Variants in FAT3 observed in about 807,000 individuals in gnomAD.
FAT3 encodes the protein protocadherin Fat 3.
In FAT3, 95 loss-of-function variants were observed where a neutral mutation model predicts 310.2. The ratio of observed to expected loss-of-function variants is 0.31; its 90% confidence interval spans 0.26 to 0.36. FAT3 has a LOEUF of 0.36. FAT3 is among the 10% of genes least tolerant of loss of function. The probability of loss-of-function intolerance (pLI) is 1.00; values close to 1 mark genes in which losing one functional copy is unlikely to be tolerated. For missense variants in FAT3, 5,408 were observed against 5,715.6 expected, an observed-to-expected ratio of 0.95 and a Z score of 1.74; for synonymous variants, 2,314 against 2,192.9, an observed-to-expected ratio of 1.06 and a Z score of -1.54.
intron 3 of FAT3, among the ~76,000 whole-genome samples, chr11:92,564,512 G>T (rs1955357363): frequency 6.6e-6 from 1 of 151,596 alleles, no homozygotes; most frequent in Non-Finnish European, 1.5e-5. Context: ...CCCAGGAATT[G>T]AACTCAGCTC....
intron 2 of FAT3, among the ~76,000 whole-genome samples, chr11:92,524,253 G>A (rs1408523705): frequency 6.6e-6 from 1 of 152,040 alleles, no homozygotes; most frequent in East Asian, 1.9e-4. Flanking sequence ...TGGAGATATT[G>A]ACCTGATACT....
chr11:92,678,992 C>T (rs1943381192), intron 3 of FAT3, among the ~76,000 whole-genome samples: 1 of 152,114 alleles, frequency 6.6e-6, no homozygotes, highest in Non-Finnish European at 1.5e-5. Flanking sequence ...TATCATTTCA[C>T]TCTCTACATC....
chr11:92,885,889 A>G (rs1379825096), intron 24 of FAT3, among the ~76,000 whole-genome samples: 1 of 152,188 alleles, frequency 6.6e-6, no homozygotes, highest in Non-Finnish European at 1.5e-5. Flanking sequence ...CTCCACTTAC[A>G]TCGGTCGTTT....
At chr11:92,651,592 G>T (rs1429541729) in intron 3 of FAT3, among the ~76,000 whole-genome samples, 1 of 152,136 alleles carries the variant, frequency 6.6e-6, no homozygotes, top group Non-Finnish European at 1.5e-5. Context: ...AAATCCACCT[G>T]TCCCTACTGC....
intron 2 of FAT3, among the ~76,000 whole-genome samples, chr11:92,388,488 AT>A (rs1458985474): frequency 6.6e-6 from 1 of 152,194 alleles, no homozygotes; most frequent in African/African-American, 2.4e-5. Context: ...CATGGCTATA[AT>A]TTAATTCTTA....
At chr11:92,600,940 A>C (rs1256940813) in intron 3 of FAT3, among the ~76,000 whole-genome samples, 1 of 152,132 alleles carries the variant, frequency 6.6e-6, no homozygotes, top group East Asian at 1.9e-4. Context: ...GGAGGAACAG[A>C]GATCCAGTAA....
chr11:92,283,469 T>C (rs1946480622), intron 1 of FAT3, among the ~76,000 whole-genome samples: 1 of 152,150 alleles, frequency 6.6e-6, no homozygotes, highest in South Asian at 2.1e-4. Flanking sequence ...CCTCCTAGAT[T>C]CTCTGCTCAT....
intron 7 of FAT3, among the ~76,000 whole-genome samples, chr11:92,786,478 G>T (rs1347473751): frequency 1.3e-5 from 2 of 152,028 alleles, no homozygotes; most frequent in African/African-American, 2.4e-5. Context: ...AATGCAAATG[G>T]ATCTTAAATA....
chr11:92,857,106 C>T, intron 19 of FAT3, 108 bp from the exon 20 acceptor site: 6 of 1,526,812 alleles, frequency 3.9e-6, no homozygotes, highest in South Asian at 1.1e-5. Context: ...CCCACATATC[C>T]CAGCTCTTGA....
chr11:92,529,859 A>G (rs1954007480), intron 3 of FAT3, among the ~76,000 whole-genome samples: 1 of 152,172 alleles, frequency 6.6e-6, no homozygotes, highest in Admixed American at 6.5e-5. Flanking sequence ...GTAGAGGTGA[A>G]GTTCAGCTTT....
intron 3 of FAT3, among the ~76,000 whole-genome samples, chr11:92,650,315 T>C (rs932543745): frequency 6.6e-6 from 1 of 152,166 alleles, no homozygotes; most frequent in South Asian, 2.1e-4. Context: ...CTTCCAGATA[T>C]TGTATTTGTC....
chr11:92,554,220 T>C (rs183169823), intron 3 of FAT3, among the ~76,000 whole-genome samples: 104 of 151,570 alleles, frequency 6.9e-4, no homozygotes, highest in African/African-American at 2.4e-3. Flanking sequence ...CCCAGCACTG[T>C]GGGAGGCCGA....
intron 1 of FAT3, among the ~76,000 whole-genome samples, chr11:92,282,157 C>T (rs535758317): frequency 1.7e-4 from 26 of 152,236 alleles, no homozygotes; most frequent in Admixed American, 1.2e-3. Flanking sequence ...CTGCCTGCCT[C>T]AGCCTCCCAA....
chr11:92,481,688 T>G (rs1952231770), intron 2 of FAT3, among the ~76,000 whole-genome samples: 1 of 152,212 alleles, frequency 6.6e-6, no homozygotes, highest in Non-Finnish European at 1.5e-5. Context: ...TTACTGTACT[T>G]TATTTATTCT....
intron 2 of FAT3, among the ~76,000 whole-genome samples, chr11:92,497,134 A>G (rs1265303989): frequency 6.6e-6 from 1 of 152,020 alleles, no homozygotes; most frequent in Non-Finnish European, 1.5e-5. Context: ...ACTAGTTTCC[A>G]TAGACGCCTG....
chr11:92,748,028 C>G (rs1945723370), intron 4 of FAT3, among the ~76,000 whole-genome samples: 1 of 152,316 alleles, frequency 6.6e-6, no homozygotes, highest in Non-Finnish European at 1.5e-5. Flanking sequence ...GGTATCCTTA[C>G]AGCAGCATCC....
intron 25 of FAT3, 78 bp downstream of exon 25, chr11:92,887,191 G>A: frequency 8.0e-7 from 1 of 1,250,166 alleles, no homozygotes. Context: ...GAGGAGGGTG[G>A]TGCAACTGGC....
intron 13 of FAT3, among the ~76,000 whole-genome samples, chr11:92,820,101 A>G (rs941514547): frequency 2.0e-5 from 3 of 152,178 alleles, no homozygotes; most frequent in Admixed American, 1.3e-4. Context: ...CATCTTGACA[A>G]TGCTTTCTGT....
chr11:92,423,202 G>A (rs1048749818), intron 2 of FAT3, among the ~76,000 whole-genome samples: 1 of 152,140 alleles, frequency 6.6e-6, no homozygotes, highest in Non-Finnish European at 1.5e-5. Flanking sequence ...ACACTGGACA[G>A]CCATGGATTC....
Sources: allele counts gnomAD v4.1 joint callset (sites outside exome capture counted in the v4.1 genomes callset), GRCh38; gene constraint gnomAD v4.1.1; transcripts MANE v1.5; gene names NCBI Gene and HGNC (gene_info 2026-07-23, HGNC 2026-07-21).